The following MAP3K7CL variants were observed in gnomAD, a reference collection of about 807,000 sequenced individuals.
MAP3K7CL encodes MAP3K7 C-terminal-like protein.
Under a neutral mutation model 18.6 loss-of-function variants are expected in MAP3K7CL, and 16 were observed. The observed-to-expected ratio is 0.86, with a 90% CI of 0.58 to 1.31. The LOEUF is 1.31. Ranked by LOEUF, MAP3K7CL falls within the 50% of genes most tolerant of loss-of-function variation. MAP3K7CL has a pLI of 0.00. For synonymous variants in MAP3K7CL, 65 were observed against 66.8 expected (o/e 0.97, Z 0.13); for missense variants, 163 against 174.4 (o/e 0.93, Z 0.37).
chr21:29,114,260 G>A (rs1395922633), intron 4 of MAP3K7CL, among the ~76,000 whole-genome samples: 3 of 152,050 alleles, frequency 2.0e-5, no homozygotes, highest in East Asian at 1.9e-4. Flanking sequence ...GTAGAGGCAG[G>A]GTTTCGCCAT....
chr21:29,148,477 G>T (rs1416602643), intron 2 of MAP3K7CL, among the ~76,000 whole-genome samples: 1 of 152,164 alleles, frequency 6.6e-6, no homozygotes, highest in Non-Finnish European at 1.5e-5. Context: ...TTCCTCAAAT[G>T]CTTCTTAGAA....
At chr21:29,092,095 G>A (rs997766807) in intron 3 of MAP3K7CL, among the ~76,000 whole-genome samples, 5 of 152,194 alleles carry the variant, frequency 3.3e-5, no homozygotes, top group Non-Finnish European at 7.3e-5. Context: ...TATATTAAAT[G>A]CAAATTTAAG....
At chr21:29,092,716 G>A (rs989415723) in intron 4 of MAP3K7CL, 20 of 939,004 alleles carry the variant, frequency 2.1e-5, no homozygotes, top group Admixed American at 7.5e-5. Context: ...ATGGCTCTAC[G>A]ACGTGCTGGG....
intron 4 of MAP3K7CL, among the ~76,000 whole-genome samples, chr21:29,163,147 A>G (rs542539468): frequency 6.6e-6 from 1 of 152,114 alleles, no homozygotes; most frequent in Non-Finnish European, 1.5e-5. Context: ...GGAAAAGTCA[A>G]CTTCTAGAAG....
intron 2 of MAP3K7CL, among the ~76,000 whole-genome samples, chr21:29,146,477 C>T (rs115829652): frequency 6.6e-6 from 1 of 152,298 alleles, no homozygotes; most frequent in African/African-American, 2.4e-5. Flanking sequence ...TTGTCCAATT[C>T]TTTGCAAACA....
chr21:29,109,817 T>C, intron 4 of MAP3K7CL: 2 of 982,702 alleles, frequency 2.0e-6, no homozygotes, highest in Non-Finnish European at 2.4e-6. Flanking sequence ...CTGCTTCTTA[T>C]ATATATACAT....
At position 29,153,717 on chromosome 21, in the gene MAP3K7CL, G is replaced by T. The variant is rs149619511; in HGVS notation, c.132+4467G>T. 2.6e-3 allele frequency among the ~76,000 whole-genome samples: 389 copies of T among 152,266 alleles called. 2 individuals carry two copies. Among genetic ancestry groups the T allele is most frequent in the Non-Finnish European group, 3.3e-3 (222 of 68,014 alleles). On this transcript the variant is annotated intron_variant, in intron 3 of 4. Coordinates refer to ENST00000399928, the MANE Select transcript of MAP3K7CL (RefSeq NM_001286620.2). ...GCCCACCTCAGGCTCCCAAAATGCT[G>T]AGATTACAGATGTGAACCACCACAC...
chr21:29,115,648 G>A (rs985854500), intron 4 of MAP3K7CL, among the ~76,000 whole-genome samples: 8 of 152,156 alleles, frequency 5.3e-5, no homozygotes, highest in African/African-American at 1.9e-4. Context: ...TTGCCTCATA[G>A]GTAGGACTGG....
chr21:29,161,311 C>CA (rs561606744), intron 4 of MAP3K7CL, among the ~76,000 whole-genome samples: 19 of 151,356 alleles, frequency 1.3e-4, no homozygotes, highest in Non-Finnish European at 1.9e-4. Flanking sequence ...GACTCTATCT[C>CA]AAAAAAAACA....
intron 3 of MAP3K7CL, among the ~76,000 whole-genome samples, chr21:29,158,989 C>T (rs941169307): frequency 6.4e-4 from 88 of 138,452 alleles, no homozygotes; most frequent in African/African-American, 2.1e-3. Context: ...GGCATGATCT[C>T]GGCTCACTGC....
rs1021038095 is a variant in MAP3K7CL at position 29,092,717 on chromosome 21, A to C, written c.370+136A>C. On this transcript the variant is annotated intron_variant, in intron 4 of 6. Transcript: ENST00000286791. ...GTCAGAGCAGGACAATGGCTCTACG[A>C]CGTGCTGGGTGTTCTTCTATCTCCT... The C allele has an allele frequency of 1.2e-4, 111 of 941,146 alleles. No individual in the cohort carries two copies. In the Admixed American group the frequency reaches 1.3e-3, roughly 11 times the overall value. 58.3% of individuals were successfully genotyped at this position (941,146 alleles called of 1,614,324 possible). A position where few individuals can be genotyped will look rare whatever the true frequency, so the allele number is the denominator to read the frequency against.
At chr21:29,155,543 G>A (rs562800370) in intron 3 of MAP3K7CL, among the ~76,000 whole-genome samples, 1 of 152,298 alleles carries the variant, frequency 6.6e-6, no homozygotes, top group East Asian at 1.9e-4. Flanking sequence ...GAACCGGCAA[G>A]CTCAGGCAGA....
Position 29,088,013 on chromosome 21 carries a change from T to C in MAP3K7CL, c.57+2096T>C, listed in dbSNP as rs571696125. On this transcript the variant is annotated intron_variant, in intron 1 of 6. Transcript: ENST00000286791. ...TAGCTTCCCAAAGAGGAAATTACGA[T>C]TGTATTTTAATCTACTCACTAAGTG... is the stretch of plus-strand genomic sequence containing the variant. Among the ~76,000 whole-genome samples, 125 of 152,298 alleles carry C rather than the reference T, an allele frequency of 8.2e-4. 2 individuals carry two copies. Among genetic ancestry groups the C allele is most frequent in the African/African-American group, 2.7e-3 (112 of 41,544 alleles).
intron 4 of MAP3K7CL, among the ~76,000 whole-genome samples, chr21:29,117,355 G>A (rs559908891): frequency 1.3e-5 from 2 of 152,300 alleles, no homozygotes; most frequent in East Asian, 1.9e-4. Context: ...TTGTGAGGCT[G>A]GGCAGCCATT....
chr21:29,098,309 C>G (rs1025052680), intron 4 of MAP3K7CL, among the ~76,000 whole-genome samples: 1 of 152,202 alleles, frequency 6.6e-6, no homozygotes, highest in East Asian at 1.9e-4. Flanking sequence ...CATCCCAAAT[C>G]TACCCACTTC....
chr21:29,164,675 G>A (rs1233804714), intron 4 of MAP3K7CL, among the ~76,000 whole-genome samples: 1 of 152,128 alleles, frequency 6.6e-6, no homozygotes, highest in African/African-American at 2.4e-5. Flanking sequence ...ACTCAGCATT[G>A]GCTGAATCCA....
intron 4 of MAP3K7CL, chr21:29,109,763 A>G (rs766236832): frequency 1.8e-4 from 174 of 985,522 alleles, no homozygotes; most frequent in Non-Finnish European, 2.0e-4. Context: ...AAATTGTACA[A>G]TGGTCTAATA....
intron 4 of MAP3K7CL, among the ~76,000 whole-genome samples, chr21:29,104,917 C>T (rs149155504): frequency 6.8e-4 from 104 of 152,248 alleles, no homozygotes; most frequent in African/African-American, 2.2e-3. Context: ...CAGATCCATT[C>T]GATAGTTTTT....
chr21:29,146,675 A>C lies in MAP3K7CL; in HGVS notation c.71-2514A>C, dbSNP rs150059809. Among the ~76,000 whole-genome samples the C allele has an allele frequency of 5.6e-4, 86 of 152,360 alleles. No individual in the cohort carries two copies. The Middle Eastern group carries it at 0.017, about 30-fold the overall frequency. ...GAGCTAAAGTTAAGTGATATCACTG[A>C]ATCTGAGGACACCCATTGTCTAGCA... On this transcript the variant is annotated intron_variant, in intron 2 of 4. Transcript: ENST00000399928.
Sources: gnomAD v4.1 joint callset for allele counts (sites outside exome capture counted in the v4.1 genomes callset) on GRCh38, gnomAD v4.1.1 for gene constraint, MANE v1.5 for transcripts, NCBI Gene and HGNC (gene_info 2026-07-23, HGNC 2026-07-21) for gene names.